EDC3: variants seen among roughly 807,000 people sequenced by gnomAD.
EDC3 encodes the protein enhancer of mRNA-decapping protein 3.
In EDC3, 20 loss-of-function variants were observed where a neutral mutation model predicts 41.8. That is an observed-to-expected ratio of 0.48 (90% CI 0.34 to 0.70). The LOEUF is 0.70. EDC3 is among the 30% of genes least tolerant of loss of function. The probability of loss-of-function intolerance (pLI) is 0.01; values close to 1 mark genes in which losing one functional copy is unlikely to be tolerated. For synonymous variants in EDC3, 206 were observed against 243.2 expected (o/e 0.85, Z 1.42); for missense variants, 444 against 636.8 (o/e 0.70, Z 3.26).
intron 1 of EDC3, among the ~76,000 whole-genome samples, chr15:74,683,175 AC>A (rs1266854112): frequency 6.6e-6 from 1 of 152,210 alleles, no homozygotes; most frequent in African/African-American, 2.4e-5. Context: ...AAAAATGCCA[AC>A]CCCAAGAGGT....
intron 3 of EDC3, among the ~76,000 whole-genome samples, chr15:74,662,389 ACT>A (rs1437042976): frequency 2.0e-5 from 3 of 151,800 alleles, no homozygotes; most frequent in Admixed American, 6.6e-5. Flanking sequence ...AGTACACAAA[ACT>A]CTGCTGAATT....
rs1253270050 is a variant in EDC3, at chr15:74,659,395, G to A, written c.485-3327C>T. ...GAATTGCTTGAACCCAGGAAACGGA[G>A]GTTACAGTGAGCCAAGATTGTGCCA... On this transcript the variant is annotated intron_variant, in intron 3 of 6. Transcript: ENST00000315127. 2.6e-5 allele frequency among the ~76,000 whole-genome samples: 4 copies of A among 151,702 alleles called. No individual in the cohort carries two copies. The East Asian group carries it at 5.8e-4, about 22-fold the overall frequency.
chr15:74,677,308 G>A (rs2062817256), intron 1 of EDC3, among the ~76,000 whole-genome samples: 4 of 148,166 alleles, frequency 2.7e-5, no homozygotes, highest in South Asian at 4.3e-4. Context: ...TGATCCACCC[G>A]CCTCACCTCC....
At chr15:74,653,126 G>A (rs981107748) in intron 4 of EDC3, among the ~76,000 whole-genome samples, 3 of 150,746 alleles carry the variant, frequency 2.0e-5, no homozygotes, top group Admixed American at 2.0e-4. Context: ...GTTGCGGTGC[G>A]CTGAGAGCTG....
chr15:74,681,378 C>T (rs963868644), intron 1 of EDC3, among the ~76,000 whole-genome samples: 7 of 152,056 alleles, frequency 4.6e-5, no homozygotes, highest in African/African-American at 1.7e-4. Context: ...GTCTTGAACT[C>T]CTGACCCCAT....
rs1036113772 is a variant in EDC3, at chr15:74,655,223, T to G, written c.820+510A>C. The stretch of plus-strand genomic sequence containing the variant: ...AAGGCACTACACTGTTACATGAAAT[T>G]AGCCAACTTTCAATGTCCTGGGCTA... On this transcript the variant is annotated intron_variant, in intron 4 of 6. Transcript: ENST00000315127. Among the ~76,000 whole-genome samples the G allele has an allele frequency of 2.6e-5, 4 of 152,238 alleles. No homozygotes were observed. The East Asian group carries it at 5.8e-4, about 22-fold the overall frequency.
chr15:74,662,582 T>C (rs2062633287), intron 3 of EDC3, among the ~76,000 whole-genome samples: 1 of 151,990 alleles, frequency 6.6e-6, no homozygotes, highest in African/African-American at 2.4e-5. Context: ...GCCAGGAAGA[T>C]AAAGTTGTTG....
intron 5 of EDC3, 111 bp downstream of exon 5, chr15:74,640,355 G>A (rs2062334563): frequency 1.6e-6 from 2 of 1,245,676 alleles, no homozygotes; most frequent in African/African-American, 1.5e-5. Flanking sequence ...CCCATCAGAT[G>A]AGCAGAAACT....
chr15:74,645,695 C>G (rs2062407251), intron 4 of EDC3, among the ~76,000 whole-genome samples: 1 of 150,150 alleles, frequency 6.7e-6, no homozygotes, highest in Non-Finnish European at 1.5e-5. Context: ...ATGGTGAAAC[C>G]CTATCTCTAC....
intron 4 of EDC3, 89 bp downstream of exon 4, chr15:74,655,644 G>A (rs949684656): frequency 1.5e-6 from 2 of 1,310,710 alleles, no homozygotes; most frequent in Admixed American, 2.6e-5. Context: ...CCTAGTGTGA[G>A]ATTCTGACTC....
chr15:74,632,701 C>T lies in EDC3; in HGVS notation c.1438G>A (p.Gly480Ser), dbSNP rs201619941. 4.3e-6 allele frequency: 7 copies of T among 1,614,168 alleles called. No individual in the cohort carries two copies. The highest frequency in any genetic ancestry group is 5.9e-6 in the Non-Finnish European group (7 of 1,180,040). The change falls in exon 7 of 7, where the codon GGC becomes AGC. Residue 480 changes from glycine to serine, a missense_variant. Transcript: ENST00000315127. This position sits in a 1 kb window ranked among gnomAD's most constrained non-coding sequence, Gnocchi z 4.0. ...HAGRIYLCDI[G>S]IPQQVFQEVG... ...TCCTGGAAGACCTGCTGGGGAATGC[C>T]AATGTCGCACAAATAGATACGGCCT...
Position 74,655,953 on chromosome 15 carries a change from T to C in EDC3, c.600A>G (p.Pro200=). 1 of 1,614,068 alleles carries C rather than the reference T, an allele frequency of 6.2e-7. No homozygotes were observed. Among genetic ancestry groups the C allele is most frequent in the Non-Finnish European group, 8.5e-7 (1 of 1,180,012 alleles). The part of the protein sequence containing the change: ...ECFGDDIEEI[P]DTDFDFEGNL... ...TCCCTTCAAAATCAAAATCTGTGTC[T>C]GGGATCTCCTCAATATCATCCCCGA... Residue 200 remains proline, a synonymous_variant, in exon 4 of 7, where the codon CCA becomes CCG. Transcript: ENST00000315127.
chr15:74,662,435 A>ATT (rs759030734), intron 3 of EDC3, among the ~76,000 whole-genome samples: 2 of 137,686 alleles, frequency 1.5e-5, no homozygotes, highest in Admixed American at 7.3e-5. Flanking sequence ...ATATATATAT[A>ATT]TTTTTTTTTT....
chr15:74,692,110 C>T (rs1284442658), intron 1 of EDC3, among the ~76,000 whole-genome samples: 1 of 152,168 alleles, frequency 6.6e-6, no homozygotes, highest in Non-Finnish European at 1.5e-5. Context: ...TGAGCCACCG[C>T]ACCCGGCCAC....
At chr15:74,660,415 AT>A (rs1390549222) in intron 3 of EDC3, among the ~76,000 whole-genome samples, 9 of 1,130 alleles carry the variant, frequency 8.0e-3, no homozygotes, top group South Asian at 0.1. Flanking sequence ...GTCTCCAAAA[AT>A]ATATATATAT....
At chr15:74,634,243 A>G (rs575667615) in intron 6 of EDC3, among the ~76,000 whole-genome samples, 32 of 152,280 alleles carry the variant, frequency 2.1e-4, no homozygotes, top group African/African-American at 7.5e-4. Context: ...CACACTGACC[A>G]CATGCTCCTT....
chr15:74,694,177 A>G (rs1202587591), intron 1 of EDC3, among the ~76,000 whole-genome samples: 1 of 152,198 alleles, frequency 6.6e-6, no homozygotes, highest in Non-Finnish European at 1.5e-5. Context: ...TGTATTAATT[A>G]CAGAATCTCA....
chr15:74,672,620 A>G (rs2062752534), intron 2 of EDC3, among the ~76,000 whole-genome samples: 1 of 152,176 alleles, frequency 6.6e-6, no homozygotes, highest in Admixed American at 6.5e-5. Context: ...GTTCGAGACC[A>G]GCCTGGTCAA....
rs113855936 is a variant in EDC3 at position 74,674,477 on chromosome 15, T to C, written c.164+484A>G. On this transcript the variant is annotated intron_variant, in intron 2 of 6. Coordinates refer to ENST00000315127, the MANE Select transcript of EDC3 (RefSeq NM_025083.5). ...TTTGGCCATTAGGTTATTTGTAACC[T>C]TGGCAAAAACTAATTCAGCAAGATG... Among the ~76,000 whole-genome samples, 323 of 152,308 alleles carry C rather than the reference T, an allele frequency of 2.1e-3. 6 individuals are homozygous for C. The East Asian group carries it at 0.045, about 21-fold the overall frequency.
Sources: gnomAD v4.1 joint callset for allele counts (sites outside exome capture counted in the v4.1 genomes callset) on GRCh38, gnomAD v4.1.1 for gene constraint, Gnocchi (gnomAD v3.1) non-coding constraint, MANE v1.5 for transcripts, NCBI Gene and HGNC (gene_info 2026-07-23, HGNC 2026-07-21) for gene names.